Variants in LARP4 observed in about 807,000 individuals in gnomAD.
LARP4 encodes la-related protein 4.
Under a neutral mutation model 92.9 loss-of-function variants are expected in LARP4, and 29 were observed. The ratio of observed to expected loss-of-function variants is 0.31; its 90% CI spans 0.23 to 0.43. The LOEUF is 0.43. Among genes scored for constraint, LARP4 ranks in the 20% least tolerant of loss-of-function variants. The pLI is 1.00. For synonymous variants in LARP4, 279 were observed against 284.1 expected, an observed-to-expected ratio of 0.98 and a Z score of 0.18; for missense variants, 732 against 860.0, an observed-to-expected ratio of 0.85 and a Z score of 1.86.
At position 50,446,431 on chromosome 12, in the gene LARP4, T is replaced by TA. The variant is rs1565649252; in HGVS notation, c.804+4788_804+4789insA. ...TCTCTATATATATATATATATATAT[T>TA]TTTTTTTTTTTTTATAGACGGAGTC... On this transcript the variant is annotated intron_variant, in intron 8 of 15. Coordinates refer to ENST00000398473, the MANE Select transcript of LARP4 (RefSeq NM_052879.5). Among the ~76,000 whole-genome samples the TA allele has an allele frequency of 9.1e-3, 120 of 13,230 alleles. 15 individuals carry two copies. The highest frequency in any genetic ancestry group is 0.015 in the South Asian group (3 of 194). The allele number at this position is 13,230 out of a possible 152,430, so 8.7% of individuals were successfully genotyped here.
At position 50,461,222 on chromosome 12, in the gene LARP4, T is replaced by C. The variant is rs202068744; in HGVS notation, c.1209T>C (p.Tyr403=). 46 of 1,614,078 alleles carry C rather than the reference T, an allele frequency of 2.8e-5. No individual in the cohort carries two copies. The highest frequency in any genetic ancestry group is 1.3e-4 in the South Asian group (12 of 91,074). The part of the protein sequence containing the change: ...VSLGDGQLNR[Y]SSRNFPAERH... ...TGGGGGATGGACAGTTGAACAGATATAGTTCAAGAAACTTTCCAGCTGAAC... is the reference window on the plus strand; with the variant it reads ...TGGGGGATGGACAGTTGAACAGATACAGTTCAAGAAACTTTCCAGCTGAAC... Residue 403 remains tyrosine, a synonymous_variant, in exon 11 of 16, where the codon TAT becomes TAC. Transcript: ENST00000398473.
In LARP4 at chr12:50,430,548, C is replaced by A. The variant is rs1424126982; in HGVS notation, c.376C>A (p.Gln126Lys). The A allele has an allele frequency of 6.2e-7, 1 of 1,603,878 alleles. No individual in the cohort carries two copies. The highest frequency in any genetic ancestry group is 8.5e-7 in the Non-Finnish European group (1 of 1,172,370). Residue 126 changes from glutamine to lysine, a missense_variant, in exon 4 of 16, where the codon CAA becomes AAA. By Grantham distance (53) the Gln-to-Lys change is moderately conservative. Coordinates refer to ENST00000398473, the MANE Select transcript of LARP4 (RefSeq NM_052879.5). ...AGACCTAAAAGAATGTCTGAAGAAA[C>A]AATTAGAATTCTGTTTTTCACGGTA... ...TEDLKECLKKQLEFCFSRENL... is the reference protein window; with the variant it reads ...TEDLKECLKKKLEFCFSRENL...
Position 50,477,117 on chromosome 12 carries a change from T to TA in LARP4, c.*1254dup, listed in dbSNP as rs1422434565. 1 of 152,518 alleles carries TA rather than the reference T, an allele frequency of 6.6e-6. No homozygotes were observed. Among genetic ancestry groups the TA allele is most frequent in the Non-Finnish European group, 1.5e-5 (1 of 67,994 alleles). 9.4% of individuals were successfully genotyped at this position (152,518 alleles called of 1,614,324 possible). A position where few individuals can be genotyped will look rare whatever the true frequency, so the allele number is the denominator to read the frequency against. ...TCTTCTCCCCCCACACCCAACAAAA[T>TA]ACAGTTTGGAATTCACTGAAACAGT... On this transcript the variant is annotated 3_prime_UTR_variant, in exon 16 of 16. Coordinates refer to ENST00000398473, the MANE Select transcript of LARP4 (RefSeq NM_052879.5).
chr12:50,436,051 CTGTGTGTGTG>C (rs57676021), intron 5 of LARP4, among the ~76,000 whole-genome samples: 9,357 of 137,606 alleles, frequency 0.068, 621 homozygotes, highest in East Asian at 0.26. Flanking sequence ...TTTACTGACT[CTGTGTGTGTG>C]TGTGTGTGTG....
At chr12:50,424,269 T>C (rs955317360) in intron 1 of LARP4, among the ~76,000 whole-genome samples, 40 of 152,112 alleles carry the variant, frequency 2.6e-4, no homozygotes, top group African/African-American at 7.5e-4. Flanking sequence ...ACTCAGGAGA[T>C]TGAGGCAAGA....
At chr12:50,435,729 C>T in intron 5 of LARP4, 105 bp downstream of exon 5, 4 of 783,252 alleles carry the variant, frequency 5.1e-6, no homozygotes, top group Non-Finnish European at 7.9e-6. Flanking sequence ...CTCCCCACAC[C>T]CTTATTTTGT....
intron 1 of LARP4, among the ~76,000 whole-genome samples, chr12:50,412,898 TGGC>T (rs1388832749): frequency 6.6e-6 from 1 of 152,118 alleles, no homozygotes; most frequent in Middle Eastern, 3.2e-3. Context: ...AAGATTTTGA[TGGC>T]GGTCTAAACT....
chr12:50,406,655 C>T (rs916324042), intron 1 of LARP4, among the ~76,000 whole-genome samples: 4 of 152,044 alleles, frequency 2.6e-5, no homozygotes, highest in African/African-American at 9.7e-5. Flanking sequence ...ACTACAGGCT[C>T]ATGCCACCAG....
At chr12:50,427,249 G>C (rs1948937278) in intron 1 of LARP4, among the ~76,000 whole-genome samples, 1 of 152,150 alleles carries the variant, frequency 6.6e-6, no homozygotes, top group African/African-American at 2.4e-5. Context: ...GAAAATTACT[G>C]TAGATAACTA....
chr12:50,470,725 C>T (rs561776097), intron 13 of LARP4, among the ~76,000 whole-genome samples: 2 of 152,190 alleles, frequency 1.3e-5, no homozygotes, highest in Admixed American at 6.6e-5. Context: ...ATGAAGTGTA[C>T]GTCTCCTTAT....
intron 11 of LARP4, among the ~76,000 whole-genome samples, chr12:50,461,921 G>C (rs757043555): frequency 1.2e-4 from 19 of 152,132 alleles, no homozygotes; most frequent in South Asian, 4.1e-4. Context: ...TTGCACCACT[G>C]CATTCCAGCC....
At chr12:50,440,667 G>T in intron 7 of LARP4, 118 bp downstream of exon 7, 4 of 637,260 alleles carry the variant, frequency 6.3e-6, no homozygotes, top group South Asian at 2.5e-5. Context: ...TGAGTACCTT[G>T]GTCACCCTTT....
chr12:50,450,194 T>C (rs1952935411), intron 8 of LARP4, among the ~76,000 whole-genome samples: 2 of 152,132 alleles, frequency 1.3e-5, no homozygotes, highest in Admixed American at 6.6e-5. Flanking sequence ...CCTCCCAAAG[T>C]GCTGGGATTA....
At chr12:50,443,369 C>G (rs1412176175) in intron 8 of LARP4, among the ~76,000 whole-genome samples, 1 of 152,114 alleles carries the variant, frequency 6.6e-6, no homozygotes, top group Non-Finnish European at 1.5e-5. Flanking sequence ...CTCTCAGGCT[C>G]AAGTGATCTT....
chr12:50,445,482 T>C (rs1951866325), intron 8 of LARP4, among the ~76,000 whole-genome samples: 2 of 152,174 alleles, frequency 1.3e-5, no homozygotes, highest in Admixed American at 6.5e-5. Context: ...TGATATTCTT[T>C]ACTGCATTTG....
Position 50,440,948 on chromosome 12 carries a change from A to G in LARP4, c.750+399A>G, listed in dbSNP as rs11169426. 2.1e-3 allele frequency among the ~76,000 whole-genome samples: 314 copies of G among 149,262 alleles called. 1 individual carries two copies. Among genetic ancestry groups the G allele is most frequent in the African/African-American group, 6.7e-3 (271 of 40,508 alleles). On this transcript the variant is annotated intron_variant, in intron 7 of 15. Transcript: ENST00000398473. ...GCCCGGGCTGGAGTGCAGTGGCGCA[A>G]TCTCGGCTCACTGCAACCTCCACCT...
chr12:50,429,979 T>TA (rs1949407955), intron 3 of LARP4, among the ~76,000 whole-genome samples: 1 of 152,088 alleles, frequency 6.6e-6, no homozygotes, highest in Non-Finnish European at 1.5e-5. Flanking sequence ...AATTTTTTGA[T>TA]AAAGATAACC....
rs1405235197 is a variant in LARP4, at chr12:50,474,108, G to A, written c.1777G>A (p.Ala593Thr). 1.2e-6 allele frequency: 2 copies of A among 1,613,198 alleles called. No individual in the cohort carries two copies. Among genetic ancestry groups the A allele is most frequent in the Non-Finnish European group, 1.7e-6 (2 of 1,179,806 alleles). The change falls in exon 15 of 16, where the codon GCA (alanine) becomes ACA (threonine). Residue 593 changes from alanine to threonine, a missense_variant. By Grantham distance (58) the Ala-to-Thr change is moderately conservative. This residue lies in a region of LARP4 where 97 missense variants were observed against 85.9 expected (regional missense o/e 1.13). Transcript: ENST00000398473. ...TCCAAGTACTACAAAGCCATCGAGG[G>A]CAAGTACTGCTTCACCATGTAATAA... is the stretch of plus-strand genomic sequence containing the variant. ...SPPSTTKPSR[A>T]STASPCNNNI...
chr12:50,418,809 C>T (rs1947273388), intron 1 of LARP4, among the ~76,000 whole-genome samples: 1 of 152,142 alleles, frequency 6.6e-6, no homozygotes, highest in African/African-American at 2.4e-5. Context: ...GCCTCAGTCT[C>T]CCAGACTCAA....
Sources: allele counts gnomAD v4.1 joint callset (sites outside exome capture counted in the v4.1 genomes callset), GRCh38; gene constraint gnomAD v4.1.1; regional missense constraint gnomAD v4.1.1; transcripts MANE v1.5; gene names NCBI Gene and HGNC (gene_info 2026-07-23, HGNC 2026-07-21).